The following BPTF variants were observed in gnomAD, a reference collection of about 807,000 sequenced individuals.
The protein encoded by BPTF is bromodomain PHD finger transcription factor.
Under a neutral mutation model 292.5 loss-of-function variants are expected in BPTF, and 18 were observed. The observed-to-expected ratio is 0.06, with a 90% CI of 0.04 to 0.09. The LOEUF is 0.09. Ranked by LOEUF, BPTF falls within the 10% of genes least tolerant of loss-of-function variation. The pLI is 1.00. For missense variants in BPTF, 2,726 were observed against 3,498.7 expected, an observed-to-expected ratio of 0.78 and a Z score of 5.57; for synonymous variants, 1,225 against 1,251.9, an observed-to-expected ratio of 0.98 and a Z score of 0.45.
intron 3 of BPTF, 127 bp downstream of exon 3, chr17:67,866,814 A>G: frequency 1.5e-6 from 1 of 679,570 alleles, no homozygotes; most frequent in East Asian, 2.7e-5. Flanking sequence ...AATGATGGGG[A>G]TACATTCTGA....
chr17:67,877,107 G>T (rs577933551), intron 4 of BPTF, among the ~76,000 whole-genome samples: 1 of 152,214 alleles, frequency 6.6e-6, no homozygotes, highest in African/African-American at 2.4e-5. Flanking sequence ...TTTTAAAGAG[G>T]AGTTTGGTAC....
chr17:67,926,831 G>A (rs1024443208), intron 15 of BPTF, among the ~76,000 whole-genome samples: 10 of 151,244 alleles, frequency 6.6e-5, no homozygotes, highest in Non-Finnish European at 1.5e-4. Flanking sequence ...TTGAATTCCT[G>A]GCTTAAGGTG....
chr17:67,905,070 T>C (rs2062085096), intron 9 of BPTF, among the ~76,000 whole-genome samples: 1 of 152,188 alleles, frequency 6.6e-6, no homozygotes, highest in South Asian at 2.1e-4. Context: ...ACTTGTTTTT[T>C]AGAAGACGCC....
At position 67,940,435 on chromosome 17, in the gene BPTF, G is replaced by C. The variant is rs1411421066; in HGVS notation, c.6260-4G>C. The C allele has an allele frequency of 6.2e-7, 1 of 1,613,734 alleles. No individual in the cohort carries two copies. Among genetic ancestry groups the C allele is most frequent in the African/African-American group, 1.3e-5 (1 of 75,010 alleles). On this transcript the variant is annotated splice_region_variant and splice_polypyrimidine_tract_variant and intron_variant, in intron 18 of 27. Transcript: ENST00000306378. ...GCATTCATAATGTTTTGCTGTTTGG[G>C]TAGGTGCTCCTCAGCAAGTGATGAC...
chr17:67,939,391 T>A (rs749960499), intron 18 of BPTF, among the ~76,000 whole-genome samples: 11 of 152,208 alleles, frequency 7.2e-5, no homozygotes, highest in Non-Finnish European at 2.9e-5. Flanking sequence ...TATTCAGTAG[T>A]TAGTAATGAG....
chr17:67,931,455 A>G (rs1439801375), intron 17 of BPTF, among the ~76,000 whole-genome samples: 1 of 152,202 alleles, frequency 6.6e-6, no homozygotes, highest in East Asian at 1.9e-4. Flanking sequence ...ATCTTGGGCA[A>G]CAGAGTGAGA....
intron 11 of BPTF, among the ~76,000 whole-genome samples, chr17:67,915,819 G>T (rs1020738939): frequency 1.3e-5 from 2 of 152,076 alleles, no homozygotes; most frequent in African/African-American, 4.8e-5. Context: ...GTTTACCTCT[G>T]TGTCCCCAGC....
rs759971975 is a variant in BPTF, at chr17:67,913,034, A to G, written c.5150A>G (p.Lys1717Arg). 2 of 1,614,232 alleles carry G rather than the reference A, an allele frequency of 1.2e-6. No individual in the cohort carries two copies. The highest frequency in any genetic ancestry group is 2.2e-5 in the East Asian group (1 of 44,892). Residue 1717 changes from lysine to arginine, a missense_variant, in exon 11 of 28, where the codon AAG (lysine) becomes AGG (arginine). Transcript: ENST00000306378. ...SYRKFVTKSS[K>R]KSIFVLPNDD... Reference sequence around the variant, plus strand: ...AGAAAATTTGTTACCAAGAGCAGCAAGAAGAGCATTTTTGTTTTGCCTAAT... The same window carrying G: ...AGAAAATTTGTTACCAAGAGCAGCAGGAAGAGCATTTTTGTTTTGCCTAAT...
At chr17:67,954,646 A>C (rs564132086) in intron 23 of BPTF, among the ~76,000 whole-genome samples, 1 of 152,146 alleles carries the variant, frequency 6.6e-6, no homozygotes, top group African/African-American at 2.4e-5. Context: ...GATTGTTGTA[A>C]CTTATTTAAG....
At chr17:67,953,961 C>CTTTTTTTTTTTTTTTTTTTTTT (rs869063412) in intron 23 of BPTF, among the ~76,000 whole-genome samples, 8 of 65,642 alleles carry the variant, frequency 1.2e-4, no homozygotes, top group African/African-American at 5.8e-4. Context: ...CTTTTCTTTT[C>CTTTTTTTTTTTTTTTTTTTTTT]TTTTTTTTTT....
chr17:67,911,138 A>C lies in BPTF; in HGVS notation c.3254A>C (p.Glu1085Ala). ...EKQRLEKIKL[E>A]GGIKGIGKTS... Reference sequence around the variant, plus strand: ...CAGCGACTCGAAAAAATCAAGTTGGAGGGTGGAATTAAGGGTATAGGAAAG... The same window carrying C: ...CAGCGACTCGAAAAAATCAAGTTGGCGGGTGGAATTAAGGGTATAGGAAAG... Residue 1085 changes from glutamate (E) to alanine (A), a missense_variant, in exon 11 of 28, where the codon GAG (glutamate) becomes GCG (alanine). Coordinates refer to ENST00000306378, the MANE Select transcript of BPTF (RefSeq NM_182641.4). 3 of 1,614,054 alleles carry C rather than the reference A, an allele frequency of 1.9e-6. No individual in the cohort carries two copies. Among genetic ancestry groups the C allele is most frequent in the Non-Finnish European group, 2.5e-6 (3 of 1,179,998 alleles).
intron 9 of BPTF, among the ~76,000 whole-genome samples, chr17:67,905,851 T>C (rs1180508776): frequency 2.0e-5 from 3 of 151,236 alleles, no homozygotes; most frequent in Non-Finnish European, 4.4e-5. Context: ...GGTTTTTCAG[T>C]GAGAACATTT....
chr17:67,902,353 C>T (rs2061901215), intron 7 of BPTF, among the ~76,000 whole-genome samples: 1 of 152,182 alleles, frequency 6.6e-6, no homozygotes, highest in African/African-American at 2.4e-5. Context: ...CCCTCAAAAT[C>T]TCCATGAGAA....
rs1555674216 is a variant in BPTF, at chr17:67,945,561, C to G, written c.6853C>G (p.Pro2285Ala). Residue 2285 changes from proline to alanine, a missense_variant, in exon 21 of 28, where the codon CCC becomes GCC. Pro to Ala is a conservative substitution (Grantham distance 27). Transcript: ENST00000306378. ...PSAQPQPQTQPQSPAQPEVQT... is the reference protein window; with the variant it reads ...PSAQPQPQTQAQSPAQPEVQT... Reference sequence around the variant, plus strand: ...AGCTCAGCCCCAGCCCCAAACCCAGCCCCAGTCCCCAGCTCAGCCTGAAGT... The same window carrying G: ...AGCTCAGCCCCAGCCCCAAACCCAGGCCCAGTCCCCAGCTCAGCCTGAAGT... 1 of 1,610,772 alleles carries G rather than the reference C, an allele frequency of 6.2e-7. No homozygotes were observed. The highest frequency in any genetic ancestry group is 1.7e-5 in the Admixed American group (1 of 59,272).
chr17:67,955,826 CTG>C (rs1178808281), intron 23 of BPTF: 2 of 151,858 alleles, frequency 1.3e-5, no homozygotes, highest in African/African-American at 4.8e-5. Context: ...AAACAAAAAA[CTG>C]TAGCTTCAGG....
At chr17:67,898,921 CAA>C (rs58991615) in intron 7 of BPTF, among the ~76,000 whole-genome samples, 33 of 79,966 alleles carry the variant, frequency 4.1e-4, no homozygotes, top group Admixed American at 5.5e-4. Flanking sequence ...TACCCTGTCT[CAA>C]AAAAAAAAAA....
rs751572182 is a variant in BPTF at position 67,892,027 on chromosome 17, G to A, written c.2048G>A (p.Gly683Asp). Residue 683 changes from glycine (G) to aspartate (D), a missense_variant, in exon 5 of 28, where the codon GGC (glycine) becomes GAC (aspartate). This residue lies in a region of BPTF where 63 missense variants were observed against 84.1 expected (regional missense o/e 0.75). Coordinates refer to ENST00000306378, the MANE Select transcript of BPTF (RefSeq NM_182641.4). ...AHEANKLFKE[G>D]KEVLVVNSQG... ...GAAGCAAATAAATTATTTAAGGAGG[G>A]CAAAGAGGTGTGTTCTTTCTGTTTA... The A allele has an allele frequency of 6.3e-7, 1 of 1,585,338 alleles. No individual in the cohort carries two copies. The highest frequency in any genetic ancestry group is 8.6e-7 in the Non-Finnish European group (1 of 1,166,288).
chr17:67,955,973 C>A (rs2066889589), intron 23 of BPTF: 1 of 151,888 alleles, frequency 6.6e-6, no homozygotes, highest in African/African-American at 2.4e-5. Context: ...CATGGCAAAA[C>A]CCTGTTTCTA....
intron 4 of BPTF, among the ~76,000 whole-genome samples, chr17:67,888,724 A>G (rs1309245870): frequency 6.6e-6 from 1 of 152,150 alleles, no homozygotes; most frequent in East Asian, 1.9e-4. Context: ...GTGTTCTTTA[A>G]TAAAACTGGA....
Sources: allele counts gnomAD v4.1 joint callset (sites outside exome capture counted in the v4.1 genomes callset), GRCh38; gene constraint gnomAD v4.1.1; regional missense constraint gnomAD v4.1.1; transcripts MANE v1.5; gene names NCBI Gene and HGNC (gene_info 2026-07-23, HGNC 2026-07-21).